CSMD1: variants seen among roughly 807,000 people sequenced by gnomAD.
CSMD1 encodes the protein CUB and sushi domain-containing protein 1.
Under a neutral mutation model 417.5 loss-of-function variants are expected in CSMD1, and 213 were observed. The observed-to-expected ratio is 0.51, with a 90% confidence interval of 0.46 to 0.57. The LOEUF is 0.57. Ranked by LOEUF, CSMD1 falls within the 20% of genes least tolerant of loss-of-function variation. The pLI, the probability that CSMD1 is intolerant of heterozygous loss-of-function variation, is 0.00. For synonymous variants in CSMD1, 2,862 were observed against 1,736.8 expected (o/e 1.65, Z -16.11); for missense variants, 6,923 against 4,529.7 (o/e 1.53, Z -15.17).
At position 3,853,315 on chromosome 8, in the gene CSMD1, C is replaced by T. The variant is rs112862601; in HGVS notation, c.819-99273G>A. 9.9e-5 allele frequency among the ~76,000 whole-genome samples: 15 copies of T among 152,272 alleles called. No homozygotes were observed. In the East Asian group the frequency reaches 2.7e-3, roughly 27 times the overall value. On this transcript the variant is annotated intron_variant, in intron 5 of 69. Transcript: ENST00000635120. ...ATACCCTGATCAATTTTTCTTCTCA[C>T]CTGACACTTATTATTTCATAACATG...
chr8:4,073,485 T>A (rs34877391), intron 3 of CSMD1, among the ~76,000 whole-genome samples: 2,470 of 152,298 alleles, frequency 0.016, 29 homozygotes, highest in Middle Eastern at 0.058. Flanking sequence ...ATTTTCTGGC[T>A]GTCCTCATCC....
chr8:3,059,191 G>A (rs2128992776), intron 49 of CSMD1, among the ~76,000 whole-genome samples: 2 of 139,764 alleles, frequency 1.4e-5, no homozygotes, highest in Admixed American at 1.5e-4. Context: ...GGCTTGTTAA[G>A]AACTAAAAAA....
chr8:3,501,059 G>C (rs552981718), intron 10 of CSMD1, among the ~76,000 whole-genome samples: 123 of 152,140 alleles, frequency 8.1e-4, no homozygotes, highest in African/African-American at 2.9e-3. Context: ...TAAACAAAAT[G>C]AAAAGATTTC....
At chr8:3,779,485 G>A (rs145612077) in intron 5 of CSMD1, among the ~76,000 whole-genome samples, 1 of 152,190 alleles carries the variant, frequency 6.6e-6, no homozygotes, top group African/African-American at 2.4e-5. Context: ...TCCTTTTATA[G>A]TATTCACTGA....
chr8:2,991,619 C>T (rs76978231), intron 54 of CSMD1, among the ~76,000 whole-genome samples: 24,835 of 152,054 alleles, frequency 0.16, 2,568 homozygotes, highest in East Asian at 0.25. Context: ...GAAAGTAAAA[C>T]TTGTTAATTA....
At chr8:3,543,670 G>A in intron 10 of CSMD1, among the ~76,000 whole-genome samples, 1 of 152,040 alleles carries the variant, frequency 6.6e-6, no homozygotes. Flanking sequence ...TTTCTAAGAA[G>A]AAAAGAGTGT....
At chr8:3,259,297 G>A (rs1340441023) in intron 26 of CSMD1, among the ~76,000 whole-genome samples, 1 of 152,174 alleles carries the variant, frequency 6.6e-6, no homozygotes, top group Admixed American at 6.5e-5. Flanking sequence ...AAAACTCATG[G>A]ATTTCTAGTT....
rs189360711 is a variant in CSMD1, at chr8:3,310,907, A to G, written c.3632-2404T>C. ...AGTTTTAAAAAAAGTTTTTAAAAAGAGGTGGAATATTGCACGTAATGCTTC... is the reference window on the plus strand; with the variant it reads ...AGTTTTAAAAAAAGTTTTTAAAAAGGGGTGGAATATTGCACGTAATGCTTC... On this transcript the variant is annotated intron_variant, in intron 23 of 69. Coordinates refer to ENST00000635120, the MANE Select transcript of CSMD1 (RefSeq NM_033225.6). 3.3e-4 allele frequency among the ~76,000 whole-genome samples: 51 copies of G among 152,306 alleles called. No individual in the cohort carries two copies. The East Asian group carries it at 7.1e-3, about 21-fold the overall frequency.
chr8:3,796,406 G>A lies in CSMD1; in HGVS notation c.819-42364C>T, dbSNP rs1317168212. The stretch of plus-strand genomic sequence containing the variant: ...TATATATCTATCATGTATAGATATA[G>A]ATATATATCTATCATGTATAGATAT... On this transcript the variant is annotated intron_variant, in intron 5 of 69. Coordinates refer to ENST00000635120, the MANE Select transcript of CSMD1 (RefSeq NM_033225.6). Among the ~76,000 whole-genome samples the A allele has an allele frequency of 2.1e-4, 15 of 71,318 alleles. 1 individual carries two copies. The highest frequency in any genetic ancestry group is 7.0e-4 in the African/African-American group (15 of 21,296). 46.8% of individuals were successfully genotyped at this position (71,318 alleles called of 152,430 possible). A position where few individuals can be genotyped will look rare whatever the true frequency, so the allele number is the denominator to read the frequency against.
At chr8:4,008,798 G>A (rs539299536) in intron 4 of CSMD1, among the ~76,000 whole-genome samples, 1 of 151,510 alleles carries the variant, frequency 6.6e-6, no homozygotes, top group African/African-American at 2.4e-5. Flanking sequence ...TTTTGGTAGA[G>A]ACGGGATTTC....
At chr8:3,597,797 G>A (rs141214620) in intron 8 of CSMD1, among the ~76,000 whole-genome samples, 1,631 of 152,158 alleles carry the variant, frequency 0.011, 34 homozygotes, top group African/African-American at 0.038. Context: ...GAGAATACAC[G>A]GACACAGGGA....
chr8:3,687,313 T>C (rs1177772210), intron 7 of CSMD1, among the ~76,000 whole-genome samples: 6 of 152,166 alleles, frequency 3.9e-5, no homozygotes, highest in Admixed American at 1.3e-4. Context: ...GATGAAAAGG[T>C]GATCTGCTCC....
At chr8:4,244,117 C>T (rs1488477743) in intron 3 of CSMD1, among the ~76,000 whole-genome samples, 1 of 152,118 alleles carries the variant, frequency 6.6e-6, no homozygotes, top group Non-Finnish European at 1.5e-5. Context: ...GGGTGCTGTG[C>T]GGATGAGTTT....
intron 1 of CSMD1, among the ~76,000 whole-genome samples, chr8:4,673,916 G>A (rs757490040): frequency 6.6e-6 from 1 of 152,122 alleles, no homozygotes; most frequent in East Asian, 1.9e-4. Flanking sequence ...GGTTTGGGAG[G>A]ATAGATAAAA....
At chr8:3,098,744 T>C (rs1227487812) in intron 46 of CSMD1, among the ~76,000 whole-genome samples, 1 of 152,204 alleles carries the variant, frequency 6.6e-6, no homozygotes, top group Non-Finnish European at 1.5e-5. Context: ...TGTATATCTG[T>C]GCAGGCTAGG....
Position 2,974,618 on chromosome 8 carries a change from G to A in CSMD1, c.8573C>T (p.Ser2858Leu). 1.9e-6 allele frequency: 3 copies of A among 1,585,468 alleles called. No individual in the cohort carries two copies. The South Asian group carries it at 3.5e-5, about 18-fold the overall frequency. Residue 2858 changes from serine (S) to leucine (L), a missense_variant, in exon 56 of 70, where the codon TCG becomes TTG. By Grantham distance (145) the Ser-to-Leu change is moderately radical. Transcript: ENST00000635120. ...DRSLPKCLAI[S>L]CGHPGVPANA... ...GGCAGGGACCCCTGGGTGTCCACAC[G>A]ATATAGCTTCAGAAAAAAGATAAAA... is the stretch of plus-strand genomic sequence containing the variant.
chr8:3,422,860 A>G (rs936711151), intron 12 of CSMD1, among the ~76,000 whole-genome samples: 2 of 152,148 alleles, frequency 1.3e-5, no homozygotes, highest in African/African-American at 4.8e-5. Context: ...TGCTTCGAAA[A>G]CAGTGCCATG....
intron 3 of CSMD1, among the ~76,000 whole-genome samples, chr8:4,401,039 C>T (rs1392929941): frequency 6.6e-6 from 1 of 152,044 alleles, no homozygotes; most frequent in Non-Finnish European, 1.5e-5. Context: ...TTAATATACG[C>T]TGAGCATGCA....
At chr8:2,941,813 G>C (rs1438302017) in intron 69 of CSMD1, among the ~76,000 whole-genome samples, 2 of 152,194 alleles carry the variant, frequency 1.3e-5, no homozygotes, top group African/African-American at 4.8e-5. Context: ...CAGATTCACA[G>C]AGTTGAAAGT....
Sources: allele counts gnomAD v4.1 joint callset (sites outside exome capture counted in the v4.1 genomes callset), GRCh38; gene constraint gnomAD v4.1.1; transcripts MANE v1.5; gene names NCBI Gene and HGNC (gene_info 2026-07-23, HGNC 2026-07-21).